The following KLRC3 variants were observed in gnomAD, a reference collection of about 807,000 sequenced individuals.
KLRC3 encodes the protein NKG2-E type II integral membrane protein.
KLRC3 carries 16 observed loss-of-function variants against 23.6 expected under a neutral mutation model. That is an observed-to-expected ratio of 0.68 (90% CI 0.46 to 1.03). KLRC3 has a LOEUF of 1.03. Among genes scored for constraint, KLRC3 ranks in the 50% least tolerant of loss-of-function variants. KLRC3 has a pLI of 0.00. For synonymous variants in KLRC3, 70 were observed against 71.8 expected, an observed-to-expected ratio of 0.98 and a Z score of 0.13; for missense variants, 209 against 232.2, an observed-to-expected ratio of 0.90 and a Z score of 0.65.
intron 6 of KLRC3, among the ~76,000 whole-genome samples, chr12:10,414,861 G>A (rs1479509640): frequency 6.6e-6 from 1 of 151,974 alleles, no homozygotes; most frequent in African/African-American, 2.4e-5. Flanking sequence ...ATTTAAATAT[G>A]TAAAATAAGT....
chr12:10,412,563 T>C lies in KLRC3; in HGVS notation c.*9A>G, dbSNP rs1004740261. ...ACTTGGGAGGCCAAGATGTGTTGAT[T>C]TCTTGAGCTCAGGAGTTCAAGACCA... On this transcript the variant is annotated 3_prime_UTR_variant, in exon 7 of 7. Transcript: ENST00000396439. 3 of 701,722 alleles carry C rather than the reference T, an allele frequency of 4.3e-6. No homozygotes were observed. In the African/African-American group the frequency reaches 5.3e-5, roughly 12 times the overall value. 43.5% of individuals were successfully genotyped at this position (701,722 alleles called of 1,614,324 possible).
chr12:10,420,336 A>C lies in KLRC3; in HGVS notation c.187+28T>G, dbSNP rs1431723761. The stretch of plus-strand genomic sequence containing the variant: ...ATTCAACTGCACATCCCAGAACAAT[A>C]ACATTGAAGATATATTTAATGTTTT... On this transcript the variant is annotated intron_variant, in intron 1 of 6. Transcript: ENST00000396439. The C allele has an allele frequency of 2.5e-6, 4 of 1,602,398 alleles. No homozygotes were observed. The Admixed American group carries it at 6.7e-5, about 27-fold the overall frequency.
At position 10,420,270 on chromosome 12, in the gene KLRC3, A is replaced by C. The variant is rs1367303876; in HGVS notation, c.187+94T>G. 8.9e-6 allele frequency: 12 copies of C among 1,343,840 alleles called. No individual in the cohort carries two copies. In the East Asian group the frequency reaches 2.8e-4, roughly 31 times the overall value. The allele number at this position is 1,343,840 out of a possible 1,614,324, so 83.2% of individuals were successfully genotyped here. A position where few individuals can be genotyped will look rare whatever the true frequency, so the allele number is the denominator to read the frequency against. ...ATCCCATTTATGAACTCTGATTCTCACAAGTGTAAAATATTCCCTAATCTT... is the reference window on the plus strand; with the variant it reads ...ATCCCATTTATGAACTCTGATTCTCCCAAGTGTAAAATATTCCCTAATCTT... On this transcript the variant is annotated intron_variant, in intron 1 of 6. Coordinates refer to ENST00000396439, the MANE Select transcript of KLRC3 (RefSeq NM_002261.3).
rs1363943832 is a variant in KLRC3, at chr12:10,415,722, A to C, written c.660T>G (p.Cys220Trp). The C allele has an allele frequency of 6.2e-7, 1 of 1,613,842 alleles. No individual in the cohort carries two copies. Among genetic ancestry groups the C allele is most frequent in the East Asian group, 2.2e-5 (1 of 44,866 alleles). ...LHVRGLISDQ[C>W]GSSRIIRRGF... ...TGCTCACAATGATTCTTGAAGATCC[A>C]CACTGGTCTGATATAAGTCCACGTA... The change falls in exon 6 of 7, where the codon TGT becomes TGG. Residue 220 changes from cysteine (C) to tryptophan (W), a missense_variant. By Grantham distance (215) the Cys-to-Trp change is radical. Transcript: ENST00000396439.
At chr12:10,415,357 C>T (rs1384566745) in intron 6 of KLRC3, among the ~76,000 whole-genome samples, 2 of 152,170 alleles carry the variant, frequency 1.3e-5, no homozygotes, top group African/African-American at 4.8e-5. Flanking sequence ...ATTTCAACCT[C>T]CCTTAGGCAT....
chr12:10,415,734 T>C lies in KLRC3; in HGVS notation c.648A>G (p.Ile216Met). The change falls in exon 6 of 7, where the codon ATA (isoleucine) becomes ATG (methionine). Residue 216 changes from isoleucine to methionine, a missense_variant. Ile to Met is a conservative substitution (Grantham distance 10, BLOSUM62 1). Around this residue, in one of 4 missense-constraint regions of KLRC3, gnomAD observed 74 missense variants for 51.0 expected, o/e 1.45. Coordinates refer to ENST00000396439, the MANE Select transcript of KLRC3 (RefSeq NM_002261.3). Reference protein sequence around the residue: ...NCAMLHVRGLISDQCGSSRII... With the variant: ...NCAMLHVRGLMSDQCGSSRII... Reference sequence around the variant, plus strand: ...TTCTTGAAGATCCACACTGGTCTGATATAAGTCCACGTACATGTAGCATTG... The same window carrying C: ...TTCTTGAAGATCCACACTGGTCTGACATAAGTCCACGTACATGTAGCATTG... 1 of 1,613,838 alleles carries C rather than the reference T, an allele frequency of 6.2e-7. No individual in the cohort carries two copies. The highest frequency in any genetic ancestry group is 2.2e-5 in the East Asian group (1 of 44,862).
chr12:10,416,646 G>A, intron 5 of KLRC3, 21 bp downstream of exon 5: 1 of 1,596,234 alleles, frequency 6.3e-7, no homozygotes, highest in Non-Finnish European at 8.5e-7. Flanking sequence ...TTTTTATATA[G>A]CACCCTATAA....
At chr12:10,416,839 G>C (rs1410469471) in intron 4 of KLRC3, 72 bp from the exon 5 acceptor site, 5 of 1,352,554 alleles carry the variant, frequency 3.7e-6, no homozygotes, top group Non-Finnish European at 3.0e-6. Flanking sequence ...TATTAAAGTT[G>C]AAAACCACTA....
At chr12:10,415,497 C>G in intron 6 of KLRC3, 2 of 813,282 alleles carry the variant, frequency 2.5e-6, no homozygotes, top group Non-Finnish European at 3.7e-6. Context: ...CAAAATGAGC[C>G]TGACTTAAAT....
At chr12:10,413,665 T>C (rs957221532) in intron 6 of KLRC3, among the ~76,000 whole-genome samples, 28 of 152,234 alleles carry the variant, frequency 1.8e-4, no homozygotes, top group Middle Eastern at 6.8e-3. Flanking sequence ...TTCTAGGGTA[T>C]ATGTGCACAA....
At chr12:10,414,792 AAAG>A (rs968827064) in intron 6 of KLRC3, among the ~76,000 whole-genome samples, 1 of 152,042 alleles carries the variant, frequency 6.6e-6, no homozygotes, top group African/African-American at 2.4e-5. Flanking sequence ...AAGAAAAAGA[AAAG>A]AAAATAAAAT....
At position 10,415,802 on chromosome 12, in the gene KLRC3, G is replaced by A. The variant is rs751242992; in HGVS notation, c.588-8C>T. 1 of 1,595,206 alleles carries A rather than the reference G, an allele frequency of 6.3e-7. No homozygotes were observed. The highest frequency in any genetic ancestry group is 8.6e-7 in the Non-Finnish European group (1 of 1,165,782). ...TGATCTGAGTCTTTTATCCTGTAAT[G>A]GAGAAAAATCCATAATTCTGTTACA... On this transcript the variant is annotated splice_polypyrimidine_tract_variant and splice_region_variant and intron_variant, in intron 5 of 6. Coordinates refer to ENST00000396439, the MANE Select transcript of KLRC3 (RefSeq NM_002261.3).
intron 6 of KLRC3, among the ~76,000 whole-genome samples, chr12:10,413,137 A>G (rs1863595994): frequency 6.6e-6 from 1 of 152,226 alleles, no homozygotes. Context: ...TCACCACATG[A>G]GCCACATTTA....
intron 6 of KLRC3, among the ~76,000 whole-genome samples, chr12:10,413,521 A>G (rs1389606371): frequency 6.6e-6 from 1 of 152,242 alleles, no homozygotes; most frequent in Non-Finnish European, 1.5e-5. Flanking sequence ...AGTAAACCCT[A>G]CATGTATTGA....
Position 10,412,362 on chromosome 12 carries a change from A to T in KLRC3, c.*210T>A. The T allele has an allele frequency of 1.7e-6, 1 of 571,532 alleles. No homozygotes were observed. Among genetic ancestry groups the T allele is most frequent in the African/African-American group, 1.9e-5 (1 of 51,604 alleles). 35.4% of individuals were successfully genotyped at this position (571,532 alleles called of 1,614,324 possible). A position where few individuals can be genotyped will look rare whatever the true frequency, so the allele number is the denominator to read the frequency against. On this transcript the variant is annotated 3_prime_UTR_variant, in exon 7 of 7. Transcript: ENST00000396439. ...CAATCATAACGGTCTGCATTTTAAT[A>T]TTAATATTTGTTGTAAATGACTAAT...
intron 6 of KLRC3, among the ~76,000 whole-genome samples, chr12:10,413,849 A>G (rs553248953): frequency 1.4e-5 from 2 of 146,894 alleles, no homozygotes; most frequent in South Asian, 2.1e-4. Context: ...TCATTGTTCA[A>G]TTCCCACCTA....
chr12:10,416,559 C>T (rs1863646795), intron 5 of KLRC3, 108 bp downstream of exon 5: 1 of 1,324,820 alleles, frequency 7.5e-7, no homozygotes. Context: ...ATTTCACTAA[C>T]TTTCCACATC....
chr12:10,418,672 A>G (rs1273928518), intron 3 of KLRC3, among the ~76,000 whole-genome samples, 174 bp from the exon 4 acceptor site: 1 of 152,190 alleles, frequency 6.6e-6, no homozygotes, highest in Non-Finnish European at 1.5e-5. Flanking sequence ...ATACACAGAA[A>G]AGGGTTAGCC....
Position 10,416,095 on chromosome 12 carries a change from G to C in KLRC3, c.588-301C>G, listed in dbSNP as rs149746652. Among the ~76,000 whole-genome samples, 60 of 152,234 alleles carry C rather than the reference G, an allele frequency of 3.9e-4. 2 individuals are homozygous for C. In the East Asian group the frequency reaches 0.01, roughly 26 times the overall value. On this transcript the variant is annotated intron_variant, in intron 5 of 6. Transcript: ENST00000396439. The stretch of plus-strand genomic sequence containing the variant: ...TTAATTTAAAAATTAGGCACAATAA[G>C]AGATTGACAACAATAACTACTAATA...
Sources: allele counts gnomAD v4.1 joint callset (sites outside exome capture counted in the v4.1 genomes callset), GRCh38; gene constraint gnomAD v4.1.1; regional missense constraint gnomAD v4.1.1; transcripts MANE v1.5; gene names NCBI Gene and HGNC (gene_info 2026-07-23, HGNC 2026-07-21).